The following SIPA1L1 variants were observed in gnomAD, a reference collection of about 807,000 sequenced individuals.
SIPA1L1 encodes signal-induced proliferation-associated 1-like protein 1.
SIPA1L1 carries 26 observed loss-of-function variants against 162.7 expected under a neutral mutation model. That is an observed-to-expected ratio of 0.16 (90% CI 0.12 to 0.22). The LOEUF is 0.22. Among genes scored for constraint, SIPA1L1 ranks in the 10% least tolerant of loss-of-function variants. The pLI, the probability that SIPA1L1 is intolerant of heterozygous loss-of-function variation, is 1.00. For missense variants in SIPA1L1, 1,874 were observed against 2,241.0 expected, an observed-to-expected ratio of 0.84 and a Z score of 3.31; for synonymous variants, 829 against 837.4, an observed-to-expected ratio of 0.99 and a Z score of 0.17.
At chr14:71,396,140 C>T (rs189093366) in intron 2 of SIPA1L1, among the ~76,000 whole-genome samples, 3 of 152,242 alleles carry the variant, frequency 2.0e-5, no homozygotes, top group Non-Finnish European at 4.4e-5. Flanking sequence ...AAAATCCTTC[C>T]GCCATCTAGC....
intron 13 of SIPA1L1, among the ~76,000 whole-genome samples, chr14:71,695,705 CT>C (rs1378737914): frequency 6.6e-6 from 1 of 152,212 alleles, no homozygotes; most frequent in Admixed American, 6.5e-5. Context: ...TAACATTCCA[CT>C]GCTGTCTCCT....
At position 71,377,881 on chromosome 14, in the gene SIPA1L1, C is replaced by G. The variant is rs1375508313; in HGVS notation, c.-465+56700C>G. ...ATCCCAGGCACTCGGCAGGCTGAGG[C>G]AGGAGAATCAGGCAGGGAGGTTGCA... On this transcript the variant is annotated intron_variant, in intron 2 of 23. Coordinates refer to ENST00000381232, the MANE Select transcript of SIPA1L1 (RefSeq NM_001386936.1). The surrounding 1 kb of genome is among the most constrained non-coding windows in gnomAD (Gnocchi z 4.8). Among the ~76,000 whole-genome samples, 1 of 152,148 alleles carries G rather than the reference C, an allele frequency of 6.6e-6. No homozygotes were observed. The highest frequency in any genetic ancestry group is 1.5e-5 in the Non-Finnish European group (1 of 68,018).
At chr14:71,583,296 A>G (rs988694682) in intron 4 of SIPA1L1, among the ~76,000 whole-genome samples, 8 of 152,094 alleles carry the variant, frequency 5.3e-5, no homozygotes, top group African/African-American at 1.9e-4. Flanking sequence ...GGGCCTGGAA[A>G]TTTTCATAAA....
chr14:71,433,028 A>C (rs2044114597), intron 2 of SIPA1L1, among the ~76,000 whole-genome samples: 1 of 152,254 alleles, frequency 6.6e-6, no homozygotes, highest in Non-Finnish European at 1.5e-5. Flanking sequence ...GGTATAATAG[A>C]GTTTTATATC....
At chr14:71,500,784 G>C (rs1486355169) in intron 2 of SIPA1L1, among the ~76,000 whole-genome samples, 1 of 149,846 alleles carries the variant, frequency 6.7e-6, no homozygotes, top group Non-Finnish European at 1.5e-5. Context: ...AGGCGGGCGG[G>C]TCACCTGAGA....
chr14:71,731,963 C>A (rs1301057702), intron 20 of SIPA1L1, among the ~76,000 whole-genome samples: 1 of 152,178 alleles, frequency 6.6e-6, no homozygotes, highest in Non-Finnish European at 1.5e-5. Context: ...AGGGTGACTT[C>A]TTTTATCCCC....
chr14:71,623,116 T>C (rs747886475), intron 6 of SIPA1L1, among the ~76,000 whole-genome samples: 16 of 152,246 alleles, frequency 1.1e-4, no homozygotes, highest in Non-Finnish European at 2.2e-4. Context: ...GCCTTTGGAC[T>C]GTCTGAGGTC....
chr14:71,343,714 A>C (rs568284516), intron 2 of SIPA1L1, among the ~76,000 whole-genome samples: 8 of 152,168 alleles, frequency 5.3e-5, no homozygotes, highest in Non-Finnish European at 1.2e-4. Context: ...AAAGGAAAAA[A>C]AGGCCCCCAG....
intron 4 of SIPA1L1, among the ~76,000 whole-genome samples, chr14:71,561,501 A>T (rs1025305620): frequency 6.6e-6 from 1 of 152,200 alleles, no homozygotes; most frequent in Admixed American, 6.5e-5. Context: ...TTTCCCCAGC[A>T]TTGATTATTG....
chr14:71,370,535 C>T (rs1355741665), intron 2 of SIPA1L1, among the ~76,000 whole-genome samples: 11 of 152,106 alleles, frequency 7.2e-5, no homozygotes, highest in Admixed American at 5.9e-4. Context: ...AGTGTGACTG[C>T]TGTATAATTG....
chr14:71,482,134 G>A (rs757785550), intron 2 of SIPA1L1, among the ~76,000 whole-genome samples: 15 of 152,182 alleles, frequency 9.9e-5, no homozygotes, highest in Non-Finnish European at 2.1e-4. Flanking sequence ...GCTCACATAG[G>A]TTATGCCGTG....
chr14:71,733,246 G>T (rs117368612), intron 20 of SIPA1L1, among the ~76,000 whole-genome samples: 19 of 152,158 alleles, frequency 1.2e-4, no homozygotes, highest in Non-Finnish European at 7.4e-5. Context: ...GTCCCCTCTA[G>T]TAGGAAGAAA....
intron 4 of SIPA1L1, among the ~76,000 whole-genome samples, chr14:71,552,234 G>T (rs1053179130): frequency 2.0e-5 from 3 of 152,102 alleles, no homozygotes; most frequent in Non-Finnish European, 4.4e-5. Context: ...GTTTTAGCAA[G>T]CAAGAACCAG....
intron 5 of SIPA1L1, among the ~76,000 whole-genome samples, chr14:71,590,741 T>A (rs1596307830): frequency 6.6e-6 from 1 of 152,242 alleles, no homozygotes; most frequent in African/African-American, 2.4e-5. Flanking sequence ...ATTACATCTC[T>A]GTTACACTGT....
rs555608411 is a variant in SIPA1L1 at position 71,423,595 on chromosome 14, C to T, written c.-464-89148C>T. Among the ~76,000 whole-genome samples, 28 of 152,214 alleles carry T rather than the reference C, an allele frequency of 1.8e-4. 1 individual carries two copies. The East Asian group carries it at 4.2e-3, about 23-fold the overall frequency. On this transcript the variant is annotated intron_variant, in intron 2 of 23. Coordinates refer to ENST00000381232, the MANE Select transcript of SIPA1L1 (RefSeq NM_001386936.1). ...TCCTTTCCCCATTGAATGGTCTTGGCGCTCTTGTCAAAAATCATTTCACCA... is the reference window on the plus strand; with the variant it reads ...TCCTTTCCCCATTGAATGGTCTTGGTGCTCTTGTCAAAAATCATTTCACCA...
intron 2 of SIPA1L1, among the ~76,000 whole-genome samples, chr14:71,398,636 C>A (rs947287740): frequency 4.6e-5 from 7 of 152,154 alleles, no homozygotes; most frequent in African/African-American, 1.7e-4. Context: ...ACTGATAGCA[C>A]ACAAGTTCAT....
At chr14:71,402,128 T>TA (rs574604934) in intron 2 of SIPA1L1, among the ~76,000 whole-genome samples, 2,696 of 148,072 alleles carry the variant, frequency 0.018, 28 homozygotes, top group African/African-American at 0.027. Context: ...TTTTCTCAAA[T>TA]AAAAAAAAAA....
At chr14:71,642,441 T>C (rs1172938715) in intron 7 of SIPA1L1, among the ~76,000 whole-genome samples, 1 of 152,202 alleles carries the variant, frequency 6.6e-6, no homozygotes, top group East Asian at 1.9e-4. Context: ...AACTTCATAA[T>C]TGACATGGCA....
chr14:71,656,517 G>A (rs943830312), intron 8 of SIPA1L1, among the ~76,000 whole-genome samples: 1 of 152,316 alleles, frequency 6.6e-6, no homozygotes, highest in Non-Finnish European at 1.5e-5. Context: ...GTCTTAAATA[G>A]TTCAGTTGAA....
Sources: gnomAD v4.1 joint callset for allele counts (sites outside exome capture counted in the v4.1 genomes callset) on GRCh38, gnomAD v4.1.1 for gene constraint, Gnocchi (gnomAD v3.1) non-coding constraint, MANE v1.5 for transcripts, NCBI Gene and HGNC (gene_info 2026-07-23, HGNC 2026-07-21) for gene names.